The following UBR2 variants were observed in gnomAD, a reference collection of about 807,000 sequenced individuals.
UBR2 encodes the protein E3 ubiquitin-protein ligase UBR2.
In UBR2, 92 loss-of-function variants were observed where a neutral mutation model predicts 247.9. The ratio of observed to expected loss-of-function variants is 0.37; its 90% CI spans 0.31 to 0.44. The LOEUF (loss-of-function observed/expected upper bound fraction) is 0.44, where lower values mean the gene tolerates loss of function less well. Among genes scored for constraint, UBR2 ranks in the 20% least tolerant of loss-of-function variants. UBR2 has a pLI of 1.00. For missense variants in UBR2, 1,613 were observed against 2,112.6 expected, an observed-to-expected ratio of 0.76 and a Z score of 4.64; for synonymous variants, 672 against 693.5, an observed-to-expected ratio of 0.97 and a Z score of 0.49.
At chr6:42,584,656 A>C (rs1792136673) in intron 2 of UBR2, among the ~76,000 whole-genome samples, 1 of 151,036 alleles carries the variant, frequency 6.6e-6, no homozygotes, top group Admixed American at 6.6e-5. Flanking sequence ...TAAACATTTT[A>C]TCTCTCTTCA....
chr6:42,654,849 A>G (rs1027708925), intron 25 of UBR2, among the ~76,000 whole-genome samples: 2 of 152,236 alleles, frequency 1.3e-5, no homozygotes, highest in Non-Finnish European at 2.9e-5. Context: ...TATAAATGAT[A>G]AGGCATTAGA....
intron 34 of UBR2, among the ~76,000 whole-genome samples, chr6:42,669,869 C>G (rs2151981883): frequency 6.6e-6 from 1 of 152,246 alleles, no homozygotes; most frequent in East Asian, 1.9e-4. Context: ...GGCTTGTGCC[C>G]AGCACCCTGT....
intron 42 of UBR2, among the ~76,000 whole-genome samples, chr6:42,680,088 C>A (rs1798947523): frequency 6.6e-6 from 1 of 152,208 alleles, no homozygotes; most frequent in Admixed American, 6.5e-5. Flanking sequence ...TCACTGCAAC[C>A]TCCACCTCCT....
At chr6:42,622,731 A>T (rs528245493) in intron 11 of UBR2, among the ~76,000 whole-genome samples, 4 of 151,586 alleles carry the variant, frequency 2.6e-5, no homozygotes, top group Admixed American at 2.0e-4. Flanking sequence ...TCTATGGGAA[A>T]TTTTTTTTAA....
chr6:42,605,645 G>A, intron 5 of UBR2, 76 bp from the exon 6 acceptor site: 1 of 1,392,228 alleles, frequency 7.2e-7, no homozygotes, highest in Non-Finnish European at 9.8e-7. Context: ...ATAGGACAAA[G>A]TAGTCTCTTA....
intron 34 of UBR2, 133 bp from the exon 35 acceptor site, chr6:42,669,959 C>G: frequency 9.1e-7 from 1 of 1,096,854 alleles, no homozygotes; most frequent in South Asian, 1.6e-5. Flanking sequence ...TATCTCTGAT[C>G]ACTGCATACA....
chr6:42,639,314 T>A (rs1389778988), intron 15 of UBR2, among the ~76,000 whole-genome samples: 1 of 152,184 alleles, frequency 6.6e-6, no homozygotes, highest in Non-Finnish European at 1.5e-5. Context: ...AACTGAAGGC[T>A]GGGCGTGGTG....
chr6:42,690,757 T>C (rs986264858), intron 46 of UBR2, among the ~76,000 whole-genome samples: 1 of 152,182 alleles, frequency 6.6e-6, no homozygotes, highest in African/African-American at 2.4e-5. Flanking sequence ...CAGACCCTCC[T>C]TATCCCCCGC....
Position 42,637,200 on chromosome 6 carries a change from G to T in UBR2, c.1858+6G>T, listed in dbSNP as rs769541206. Reference sequence around the variant, plus strand: ...AGTTTCTCGCTTACTTGCAGGTAAAGCATTTCCCCTAAAATAAAACCCTAA... The same window carrying T: ...AGTTTCTCGCTTACTTGCAGGTAAATCATTTCCCCTAAAATAAAACCCTAA... On this transcript the variant is annotated splice_donor_region_variant and intron_variant, in intron 15 of 46. Coordinates refer to ENST00000372901, the MANE Select transcript of UBR2 (RefSeq NM_001363705.2). 9 of 1,605,838 alleles carry T rather than the reference G, an allele frequency of 5.6e-6. No homozygotes were observed. In the Admixed American group the frequency reaches 1.4e-4, roughly 24 times the overall value.
rs1237822125 is a variant in UBR2 at position 42,689,756 on chromosome 6, G to A, written c.5126+86G>A. 8.3e-6 allele frequency: 10 copies of A among 1,203,482 alleles called. No homozygotes were observed. Among genetic ancestry groups the A allele is most frequent in the African/African-American group, 1.5e-5 (1 of 66,544 alleles). The allele number at this position is 1,203,482 out of a possible 1,614,324, so 74.6% of individuals were successfully genotyped here. A position where few individuals can be genotyped will look rare whatever the true frequency, so the allele number is the denominator to read the frequency against. On this transcript the variant is annotated intron_variant, in intron 46 of 46. Coordinates refer to ENST00000372901, the MANE Select transcript of UBR2 (RefSeq NM_001363705.2). This position sits in a 1 kb window ranked among gnomAD's most constrained non-coding sequence, Gnocchi z 4.0. Reference sequence around the variant, plus strand: ...CGTCCTGAGGGTGGAGGGCTGAGGTGGTTCTGGAAGAGGTGGCTGTGTTAT... The same window carrying A: ...CGTCCTGAGGGTGGAGGGCTGAGGTAGTTCTGGAAGAGGTGGCTGTGTTAT...
rs370136791 is a variant in UBR2 at position 42,648,186 on chromosome 6, A to G, written c.2462+16A>G. On this transcript the variant is annotated intron_variant, in intron 22 of 46. Coordinates refer to ENST00000372901, the MANE Select transcript of UBR2 (RefSeq NM_001363705.2). ...CCCATTTCAAGTGAGTTTACTTCCTATTATTTCACATTCTTTTTTACTTTT... is the reference window on the plus strand; with the variant it reads ...CCCATTTCAAGTGAGTTTACTTCCTGTTATTTCACATTCTTTTTTACTTTT... 7 of 1,605,748 alleles carry G rather than the reference A, an allele frequency of 4.4e-6. No homozygotes were observed. In the African/African-American group the frequency reaches 8.0e-5, roughly 18 times the overall value.
chr6:42,581,219 T>C (rs1403592442), intron 2 of UBR2, among the ~76,000 whole-genome samples: 2 of 150,738 alleles, frequency 1.3e-5, no homozygotes, highest in African/African-American at 2.4e-5. Context: ...AGACGGAGTC[T>C]CGCTCTGTCG....
intron 2 of UBR2, among the ~76,000 whole-genome samples, chr6:42,591,950 T>G (rs938386007): frequency 6.6e-6 from 1 of 152,200 alleles, no homozygotes; most frequent in Non-Finnish European, 1.5e-5. Context: ...CTAGCACACA[T>G]CCATTATGGA....
intron 2 of UBR2, among the ~76,000 whole-genome samples, chr6:42,584,590 TA>T (rs1792134362): frequency 6.6e-6 from 1 of 152,218 alleles, no homozygotes; most frequent in Non-Finnish European, 1.5e-5. Flanking sequence ...GCATTGAATC[TA>T]TAGATTAGTT....
At chr6:42,619,424 TATATATATATA>T (rs1794766203) in intron 11 of UBR2, 1 of 13,146 alleles carries the variant, frequency 7.6e-5, no homozygotes, top group Non-Finnish European at 1.5e-4. Flanking sequence ...TATATATATA[TATATATATATA>T]TATATATATA....
rs2151982647 is a variant in UBR2, at chr6:42,670,721, T to C, written c.4086+6T>C. On this transcript the variant is annotated splice_donor_region_variant and intron_variant, in intron 36 of 46. Transcript: ENST00000372901. ...GTCCTTTACCTTGCAGACTGGTAAGTTCTCAGTTTATTCAGTTCATGATAG... is the reference window on the plus strand; with the variant it reads ...GTCCTTTACCTTGCAGACTGGTAAGCTCTCAGTTTATTCAGTTCATGATAG... 1 of 1,607,066 alleles carries C rather than the reference T, an allele frequency of 6.2e-7. No homozygotes were observed. Among genetic ancestry groups the C allele is most frequent in the South Asian group, 1.1e-5 (1 of 89,644 alleles).
intron 40 of UBR2, among the ~76,000 whole-genome samples, 162 bp from the exon 41 acceptor site, chr6:42,678,377 C>T (rs1798841958): frequency 6.6e-6 from 1 of 152,262 alleles, no homozygotes; most frequent in Non-Finnish European, 1.5e-5. Flanking sequence ...TCACCACTTA[C>T]ACCTGGCATC....
At chr6:42,653,332 C>T (rs568715216) in intron 25 of UBR2, among the ~76,000 whole-genome samples, 14 of 152,324 alleles carry the variant, frequency 9.2e-5, no homozygotes, top group African/African-American at 3.1e-4. Context: ...ATCCTCCCCC[C>T]TCGGCCTCCC....
rs558493895 is a variant in UBR2 at position 42,666,696 on chromosome 6, A to G, written c.3881+451A>G. On this transcript the variant is annotated intron_variant, in intron 34 of 46. Transcript: ENST00000372901. ...AAATACAAACTGCTCAGCCTCCCCA[A>G]TGAATCCCGCACTTCCGTCTGACTT... is the stretch of plus-strand genomic sequence containing the variant. Among the ~76,000 whole-genome samples the G allele has an allele frequency of 7.9e-5, 12 of 152,246 alleles. No homozygotes were observed. In the South Asian group the frequency reaches 8.3e-4, roughly 11 times the overall value.
Sources: allele counts gnomAD v4.1 joint callset (sites outside exome capture counted in the v4.1 genomes callset), GRCh38; gene constraint gnomAD v4.1.1; non-coding constraint Gnocchi (gnomAD v3.1); transcripts MANE v1.5; gene names NCBI Gene and HGNC (gene_info 2026-07-23, HGNC 2026-07-21).